Variants in NPAS3 observed in about 807,000 individuals in gnomAD.
NPAS3 encodes the protein neuronal PAS domain-containing protein 3.
Under a neutral mutation model 73.1 loss-of-function variants are expected in NPAS3, and 14 were observed. That is an observed-to-expected ratio of 0.19 (90% CI 0.13 to 0.30). NPAS3 has a LOEUF of 0.30. NPAS3 is among the 10% of genes least tolerant of loss of function. The probability of loss-of-function intolerance (pLI) is 1.00; values close to 1 mark genes in which losing one functional copy is unlikely to be tolerated. For missense variants in NPAS3, 1,096 were observed against 1,250.0 expected (o/e 0.88, Z 1.86); for synonymous variants, 620 against 541.5 (o/e 1.14, Z -2.01).
chr14:33,413,601 G>A (rs563092381), intron 4 of NPAS3, among the ~76,000 whole-genome samples: 103 of 152,302 alleles, frequency 6.8e-4, no homozygotes, highest in African/African-American at 1.5e-3. Context: ...CACTGGCAGC[G>A]TGAGGATTGC....
chr14:32,953,600 T>A (rs1249333044), intron 1 of NPAS3, among the ~76,000 whole-genome samples: 1 of 152,116 alleles, frequency 6.6e-6, no homozygotes, highest in East Asian at 1.9e-4. Flanking sequence ...TGAAGGATCT[T>A]AGATTTTACT....
chr14:33,745,969 G>C (rs2061778432), intron 7 of NPAS3, among the ~76,000 whole-genome samples: 1 of 151,994 alleles, frequency 6.6e-6, no homozygotes, highest in Admixed American at 6.5e-5. Flanking sequence ...CCAATTTGAG[G>C]TTGTTGATCT....
exon 11 of NPAS3, chr14:33,797,571 A>C: frequency 6.2e-7 from 1 of 1,613,888 alleles, no homozygotes; most frequent in Admixed American, 1.7e-5. Context: ...AAGACACCTC[A>C]GGTATTACAG....
chr14:33,774,659 C>T, intron 8 of NPAS3, 129 bp downstream of exon 8: 1 of 693,696 alleles, frequency 1.4e-6, no homozygotes. Flanking sequence ...TTTTAATGGC[C>T]ACTTGGACTG....
intron 4 of NPAS3, among the ~76,000 whole-genome samples, chr14:33,390,910 C>T (rs1484587095): frequency 6.6e-6 from 1 of 151,920 alleles, no homozygotes; most frequent in African/African-American, 2.4e-5. Context: ...AATTTAGAAA[C>T]TTCAGTTCTG....
chr14:32,993,845 T>C (rs2038442777), intron 1 of NPAS3, among the ~76,000 whole-genome samples: 1 of 152,246 alleles, frequency 6.6e-6, no homozygotes, highest in Non-Finnish European at 1.5e-5. Flanking sequence ...CATGGTTCTG[T>C]AGATATAGTC....
At chr14:33,429,597 G>C (rs575589345) in intron 4 of NPAS3, among the ~76,000 whole-genome samples, 2 of 152,270 alleles carry the variant, frequency 1.3e-5, no homozygotes, top group Non-Finnish European at 2.9e-5. Flanking sequence ...TTTTGACCAT[G>C]AGTGAGTAAT....
chr14:33,799,725 C>T lies in NPAS3; in HGVS notation c.1427-9C>T. On this transcript the variant is annotated splice_polypyrimidine_tract_variant and intron_variant, in intron 11 of 11. Transcript: ENST00000356141. ...GCCCCCGCCACCGCCGGCCCCCCGC[C>T]CCACACAGAGGACAACGAGAACTCC... is the stretch of plus-strand genomic sequence containing the variant. 1 of 1,558,200 alleles carries T rather than the reference C, an allele frequency of 6.4e-7. No homozygotes were observed.
At chr14:33,324,644 GA>G in intron 3 of NPAS3, among the ~76,000 whole-genome samples, 1 of 152,102 alleles carries the variant, frequency 6.6e-6, no homozygotes, top group Non-Finnish European at 1.5e-5. Context: ...AAATAATAGA[GA>G]TTTCTGTTTC....
chr14:33,439,900 G>A (rs1185190623), intron 4 of NPAS3, among the ~76,000 whole-genome samples: 1 of 152,154 alleles, frequency 6.6e-6, no homozygotes, highest in African/African-American at 2.4e-5. Flanking sequence ...TGCATCACGA[G>A]GTCAGGAGAT....
rs183244996 is a variant in NPAS3 at position 33,718,910 on chromosome 14, G to A, written c.734-16304G>A. On this transcript the variant is annotated intron_variant, in intron 6 of 11. Coordinates refer to ENST00000356141, the Ensembl canonical transcript of NPAS3. Reference sequence around the variant, plus strand: ...GGAAGCCAAGGCAGGAGGATCAATTGAGCCCAGGAGTTCAAGACCAGCCCT... The same window carrying A: ...GGAAGCCAAGGCAGGAGGATCAATTAAGCCCAGGAGTTCAAGACCAGCCCT... Among the ~76,000 whole-genome samples the A allele has an allele frequency of 2.5e-3, 379 of 152,232 alleles. 1 individual carries two copies. Among genetic ancestry groups the A allele is most frequent in the Non-Finnish European group, 3.9e-3 (263 of 68,000 alleles).
chr14:33,144,251 A>C (rs1253347970), intron 2 of NPAS3, among the ~76,000 whole-genome samples: 1 of 152,204 alleles, frequency 6.6e-6, no homozygotes, highest in African/African-American at 2.4e-5. Context: ...ACTTATAGCT[A>C]TCCTAATGGA....
At chr14:33,694,006 G>GT (rs930246863) in intron 6 of NPAS3, among the ~76,000 whole-genome samples, 21 of 151,514 alleles carry the variant, frequency 1.4e-4, no homozygotes, top group Non-Finnish European at 2.7e-4. Flanking sequence ...CATGTTCACT[G>GT]TTTTTTTTCA....
chr14:32,990,976 A>G (rs1169902633), intron 1 of NPAS3, among the ~76,000 whole-genome samples: 5 of 144,884 alleles, frequency 3.5e-5, no homozygotes, highest in African/African-American at 1.3e-4. Context: ...GGATTAATCC[A>G]TTTGTCAAAG....
chr14:33,390,938 T>C lies in NPAS3; in HGVS notation c.468+23670T>C, dbSNP rs546857320. Among the ~76,000 whole-genome samples, 40 of 152,256 alleles carry C rather than the reference T, an allele frequency of 2.6e-4. 1 individual carries two copies. The highest frequency in any genetic ancestry group is 2.1e-3 in the South Asian group (10 of 4,820). On this transcript the variant is annotated intron_variant, in intron 4 of 11. Coordinates refer to ENST00000356141, the Ensembl canonical transcript of NPAS3. ...CAGTTCTGTCTTTTGAAAAAAAAATTAATAAGGCATGCTGTGTCCTGTACT... is the reference window on the plus strand; with the variant it reads ...CAGTTCTGTCTTTTGAAAAAAAAATCAATAAGGCATGCTGTGTCCTGTACT...
Position 33,441,227 on chromosome 14 carries a change from T to C in NPAS3, c.468+73959T>C. On this transcript the variant is annotated intron_variant, in intron 4 of 11. Transcript: ENST00000356141. ...TTTTAAGAAATATAATATGCAGATG[T>C]ATTCTATAAACTTATTATGCATATG... Among the ~76,000 whole-genome samples the C allele has an allele frequency of 1.3e-5, 2 of 152,372 alleles. 1 individual carries two copies. Among genetic ancestry groups the C allele is most frequent in the Middle Eastern group, 6.8e-3 (2 of 294 alleles).
At chr14:33,091,187 C>A (rs8007926) in intron 2 of NPAS3, among the ~76,000 whole-genome samples, 51,194 of 151,954 alleles carry the variant, frequency 0.34, 8,908 homozygotes, top group African/African-American at 0.44. Context: ...TTCAAAAAAT[C>A]AATGAATCCA....
chr14:33,744,817 A>G (rs1342106819), intron 7 of NPAS3, among the ~76,000 whole-genome samples: 1 of 151,654 alleles, frequency 6.6e-6, no homozygotes, highest in Non-Finnish European at 1.5e-5. Flanking sequence ...TAATAATAAT[A>G]ATGAAGTTTG....
chr14:33,147,937 A>G (rs1017313063), intron 2 of NPAS3, among the ~76,000 whole-genome samples: 4 of 152,018 alleles, frequency 2.6e-5, no homozygotes, highest in Non-Finnish European at 4.4e-5. Flanking sequence ...GTACATACAC[A>G]CATTAAATAA....
Sources: gnomAD v4.1 joint callset for allele counts (sites outside exome capture counted in the v4.1 genomes callset) on GRCh38, gnomAD v4.1.1 for gene constraint, MANE v1.5 for transcripts, NCBI Gene and HGNC (gene_info 2026-07-23, HGNC 2026-07-21) for gene names.